MPND: variants seen among roughly 807,000 people sequenced by gnomAD.
MPND encodes the protein MPN domain containing, also known as MPN domain-containing protein.
MPND carries 56 observed loss-of-function variants against 59.2 expected under a neutral mutation model. The observed-to-expected ratio is 0.95, with a 90% CI of 0.76 to 1.18. The LOEUF is 1.18. Ranked by LOEUF, MPND falls within the 50% of genes most tolerant of loss-of-function variation. The pLI is 0.00. For synonymous variants in MPND, 323 were observed against 291.9 expected (o/e 1.11, Z -1.09); for missense variants, 671 against 676.0 (o/e 0.99, Z 0.08).
chr19:4,359,337 C>A, intron 12 of MPND, 82 bp downstream of exon 12: 1 of 1,027,596 alleles, frequency 9.7e-7, no homozygotes, highest in Non-Finnish European at 1.5e-6. Context: ...CAGCAATGAG[C>A]CCCGTGGGCC....
At chr19:4,353,290 T>C (rs1251866162) in intron 4 of MPND, among the ~76,000 whole-genome samples, 1 of 152,002 alleles carries the variant, frequency 6.6e-6, no homozygotes, top group Non-Finnish European at 1.5e-5. Context: ...TTTTTGGTGA[T>C]GGAGTCTCCC....
chr19:4,354,224 G>T (rs1972382724), intron 5 of MPND, 95 bp downstream of exon 5: 1 of 1,501,246 alleles, frequency 6.7e-7, no homozygotes, highest in Non-Finnish European at 9.1e-7. Flanking sequence ...GTGGGACAGA[G>T]CCTCAGATCC....
intron 2 of MPND, among the ~76,000 whole-genome samples, chr19:4,344,388 C>A (rs954820669): frequency 6.6e-6 from 1 of 151,210 alleles, no homozygotes; most frequent in Non-Finnish European, 1.5e-5. Context: ...AGGCCCAGAG[C>A]TCCTTTCCTG....
In MPND at chr19:4,345,115, T is replaced by G. The variant is rs182642497; in HGVS notation, c.295-630T>G. Among the ~76,000 whole-genome samples, 9 of 141,406 alleles carry G rather than the reference T, an allele frequency of 6.4e-5. No individual in the cohort carries two copies. In the East Asian group the frequency reaches 1.8e-3, roughly 29 times the overall value. The allele number at this position is 141,406 out of a possible 152,430, so 92.8% of individuals were successfully genotyped here. ...CAGGCTGGAATGCAGTAGCATGATC[T>G]CGGCTCACTGCAACCTCTGCCTCCC... On this transcript the variant is annotated intron_variant, in intron 2 of 12. Transcript: ENST00000599840.
Position 4,357,808 on chromosome 19 carries a change from C to T in MPND, c.1236+223C>T. The T allele has an allele frequency of 4.9e-6, 3 of 611,144 alleles. No individual in the cohort carries two copies. In the Admixed American group the frequency reaches 8.9e-5, roughly 18 times the overall value. The allele number at this position is 611,144 out of a possible 1,614,324, so 37.9% of individuals were successfully genotyped here. A position where few individuals can be genotyped will look rare whatever the true frequency, so the allele number is the denominator to read the frequency against. ...GGCTGCTCAGTACAAAGAGGGCTCC[C>T]TTCCTGACCCTGCCTGGCTTCATTC... On this transcript the variant is annotated intron_variant, in intron 10 of 12. Transcript: ENST00000599840.
At chr19:4,348,912 C>T (rs1599568530) in intron 3 of MPND, 1 of 197,900 alleles carries the variant, frequency 5.1e-6, no homozygotes, top group East Asian at 1.2e-4. Flanking sequence ...GCCTCAGCCT[C>T]CCAAAGTGCT....
intron 3 of MPND, among the ~76,000 whole-genome samples, chr19:4,352,098 G>A (rs1033965956): frequency 6.6e-5 from 10 of 151,684 alleles, no homozygotes; most frequent in Non-Finnish European, 1.3e-4. Context: ...GCTTGAACCC[G>A]GAAGGCAGAG....
At chr19:4,354,489 C>T (rs1972391185) in intron 6 of MPND, 69 bp downstream of exon 6, 2 of 1,248,506 alleles carry the variant, frequency 1.6e-6, no homozygotes, top group African/African-American at 1.5e-5. Flanking sequence ...GGCGGGGCTC[C>T]CCTGCGTATC....
At chr19:4,345,606 C>T (rs1451164594) in intron 2 of MPND, 139 bp from the exon 3 acceptor site, 5 of 740,926 alleles carry the variant, frequency 6.7e-6, no homozygotes, top group Non-Finnish European at 1.1e-5. Flanking sequence ...ACTGAGGAGG[C>T]CCTGCAGCCG....
chr19:4,346,794 G>T (rs1972195874), intron 3 of MPND, among the ~76,000 whole-genome samples: 1 of 151,254 alleles, frequency 6.6e-6, no homozygotes. Flanking sequence ...ATTTTGGGAG[G>T]CTGAAGCAGG....
chr19:4,343,661 A>AGGGGCGCGGGGCTGCG, intron 1 of MPND, 47 bp from the exon 2 acceptor site: 1 of 1,200,306 alleles, frequency 8.3e-7, no homozygotes, highest in Non-Finnish European at 1.0e-6. Flanking sequence ...GCGGGGCTGC[A>AGGGGCGCGGGGCTGCG]GAGCCGTGGG....
At position 4,357,541 on chromosome 19, in the gene MPND, C is replaced by T. The variant is rs781205835; in HGVS notation, c.1192C>T (p.Pro398Ser). 2 of 1,613,762 alleles carry T rather than the reference C, an allele frequency of 1.2e-6. No individual in the cohort carries two copies. The highest frequency in any genetic ancestry group is 2.2e-5 in the East Asian group (1 of 44,870). ...CSPYYSGNPGPESKISPFWVM... is the reference protein window; with the variant it reads ...CSPYYSGNPGSESKISPFWVM... ...CCCTTACTATTCTGGCAACCCAGGC[C>T]CCGAGTCCAAGATCTCACCTTTCTG... The change falls in exon 10 of 13, where the codon CCC (proline) becomes TCC (serine). Residue 398 changes from proline to serine, a missense_variant. Physicochemically the swap from Pro to Ser is moderately conservative, Grantham distance 74. Coordinates refer to ENST00000599840, the MANE Select transcript of MPND (RefSeq NM_001300862.2).
intron 3 of MPND, chr19:4,348,470 C>G (rs918689350): frequency 1.3e-5 from 2 of 151,502 alleles, no homozygotes; most frequent in African/African-American, 4.9e-5. Flanking sequence ...CATGTTGGTC[C>G]GGCTGTTCTC....
In MPND at chr19:4,354,379, C is replaced by G. The variant is rs866085091; in HGVS notation, c.805C>G (p.Pro269Ala). 1.3e-6 allele frequency: 2 copies of G among 1,562,128 alleles called. No individual in the cohort carries two copies. The highest frequency in any genetic ancestry group is 1.4e-5 in the African/African-American group (1 of 73,876). Residue 269 changes from proline (P) to alanine (A), a missense_variant, in exon 6 of 13, where the codon CCG becomes GCG. Coordinates refer to ENST00000599840, the MANE Select transcript of MPND (RefSeq NM_001300862.2). Reference sequence around the variant, plus strand: ...CTTTGCAGCCATCAACAAGTTCCAGCCGTTCAACGTGGCTGTTTCTAGCAA... The same window carrying G: ...CTTTGCAGCCATCAACAAGTTCCAGGCGTTCAACGTGGCTGTTTCTAGCAA... ...TSFAAINKFQPFNVAVSSNVL... is the reference protein window; with the variant it reads ...TSFAAINKFQAFNVAVSSNVL...
chr19:4,349,511 G>A (rs1972266486), intron 3 of MPND, among the ~76,000 whole-genome samples: 1 of 151,490 alleles, frequency 6.6e-6, no homozygotes, highest in Non-Finnish European at 1.5e-5. Flanking sequence ...CAGTGAGTGG[G>A]TCTATTTTTT....
chr19:4,343,904 C>T lies in MPND; in HGVS notation c.204C>T (p.Gly68=), dbSNP rs1972127439. 1 of 1,263,496 alleles carries T rather than the reference C, an allele frequency of 7.9e-7. No homozygotes were observed. The highest frequency in any genetic ancestry group is 3.2e-5 in the South Asian group (1 of 31,684). The allele number at this position is 1,263,496 out of a possible 1,614,324, so 78.3% of individuals were successfully genotyped here. A position where few individuals can be genotyped will look rare whatever the true frequency, so the allele number is the denominator to read the frequency against. ...AGAGGCGGPG[G]ALTRRAVTLR... is the part of the protein sequence containing the mutation. ...CGGGGGGCTGCGGCGGGCCCGGGGGCGCGCTCACCAGGCGCGCGGTCACAC... is the reference window on the plus strand; with the variant it reads ...CGGGGGGCTGCGGCGGGCCCGGGGGTGCGCTCACCAGGCGCGCGGTCACAC... Residue 68 remains glycine (G), a synonymous_variant, in exon 2 of 13, where the codon GGC becomes GGT. Coordinates refer to ENST00000599840, the MANE Select transcript of MPND (RefSeq NM_001300862.2).
intron 3 of MPND, among the ~76,000 whole-genome samples, chr19:4,351,835 C>T (rs1388176711): frequency 2.2e-5 from 3 of 133,826 alleles, no homozygotes; most frequent in Non-Finnish European, 3.1e-5. Flanking sequence ...GCACTCCAGC[C>T]TCGGCGACAG....
At position 4,355,153 on chromosome 19, in the gene MPND, G is replaced by C. The variant is rs1972408978; in HGVS notation, c.976G>C (p.Ala326Pro). 1 of 1,613,228 alleles carries C rather than the reference G, an allele frequency of 6.2e-7. No individual in the cohort carries two copies. The highest frequency in any genetic ancestry group is 1.3e-5 in the African/African-American group (1 of 74,876). ...GAGCCGGCTCGGGGACGCAGAGACT[G>C]CAGCTGCCATCGAAGAGGAGGTGAG... The part of the protein sequence containing the change: ...CRSRLGDAET[A>P]AAIEEEIYQS... Residue 326 changes from alanine (A) to proline (P), a missense_variant, in exon 8 of 13, where the codon GCA becomes CCA. Ala to Pro is a conservative substitution (Grantham distance 27). Coordinates refer to ENST00000599840, the MANE Select transcript of MPND (RefSeq NM_001300862.2).
rs746276763 is a variant in MPND at position 4,354,065 on chromosome 19, C to T, written c.685C>T (p.Arg229Trp). Residue 229 changes from arginine to tryptophan, a missense_variant, in exon 5 of 13, where the codon CGG (arginine) becomes TGG (tryptophan). Arg to Trp is a moderately radical substitution (Grantham distance 101). Transcript: ENST00000599840. ...AHPEATTPGK[R>W]VDSKIRVPVR... ...CCCAGAGGCCACAACCCCAGGGAAG[C>T]GGGTGGACAGCAAGATCCGGGTTCC... The T allele has an allele frequency of 2.8e-5, 45 of 1,613,176 alleles. No homozygotes were observed. Among genetic ancestry groups the T allele is most frequent in the South Asian group, 1.2e-4 (11 of 91,048 alleles).
Sources: gnomAD v4.1 joint callset for allele counts (sites outside exome capture counted in the v4.1 genomes callset) on GRCh38, gnomAD v4.1.1 for gene constraint, MANE v1.5 for transcripts, NCBI Gene and HGNC (gene_info 2026-07-23, HGNC 2026-07-21) for gene names.